DNAI3: variants seen among roughly 807,000 people sequenced by gnomAD.
DNAI3 encodes the protein WD repeat domain 63.
In DNAI3, 83 loss-of-function variants were observed where a neutral mutation model predicts 115.5. The observed-to-expected ratio is 0.72, with a 90% CI of 0.60 to 0.86. The LOEUF is 0.86. Ranked by LOEUF, DNAI3 falls within the 40% of genes least tolerant of loss-of-function variation. The probability of loss-of-function intolerance (pLI) is 0.00; values close to 1 mark genes in which losing one functional copy is unlikely to be tolerated. For synonymous variants in DNAI3, 320 were observed against 347.0 expected (o/e 0.92, Z 0.86); for missense variants, 1,004 against 1,075.8 (o/e 0.93, Z 0.93).
chr1:85,114,015 CTTTT>C (rs58178754), intron 16 of DNAI3, among the ~76,000 whole-genome samples: 4 of 117,664 alleles, frequency 3.4e-5, no homozygotes, highest in Non-Finnish European at 5.3e-5. Context: ...CAATTTGTAT[CTTTT>C]TTTTTTTTTT....
intron 21 of DNAI3, among the ~76,000 whole-genome samples, chr1:85,129,458 A>G (rs1656249583): frequency 4.1e-5 from 1 of 24,590 alleles, no homozygotes; most frequent in Non-Finnish European, 1.7e-4. Flanking sequence ...CTTCTATTCT[A>G]TGCCTACACT....
intron 22 of DNAI3, 72 bp from the exon 23 acceptor site, chr1:85,132,782 GC>G (rs1656377583): frequency 6.5e-7 from 1 of 1,546,768 alleles, no homozygotes; most frequent in Non-Finnish European, 8.7e-7. Flanking sequence ...TTCACAAACA[GC>G]CCCTTCTCAT....
At chr1:85,129,917 T>G (rs1460969643) in intron 21 of DNAI3, 73 bp from the exon 22 acceptor site, 1 of 1,506,432 alleles carries the variant, frequency 6.6e-7, no homozygotes, top group African/African-American at 1.4e-5. Flanking sequence ...GCAGCAGAAA[T>G]TCTAACAGAG....
chr1:85,104,554 C>A lies in DNAI3; in HGVS notation c.1510C>A (p.Arg504=). ...INRMGSVFEN[R]SGICCQLVTC... is the part of the protein sequence containing the mutation. ...CAGAATGGGCTCCGTCTTTGAGAAT[C>A]GAAGTGGAATATGCTGTCAACTTGT... Residue 504 remains arginine, a synonymous_variant, in exon 14 of 23, where the codon CGA becomes AGA. Transcript: ENST00000294664. The A allele has an allele frequency of 6.2e-7, 1 of 1,613,766 alleles. No individual in the cohort carries two copies. The highest frequency in any genetic ancestry group is 8.5e-7 in the Non-Finnish European group (1 of 1,179,810).
At position 85,072,015 on chromosome 1, in the gene DNAI3, T is replaced by G; in HGVS notation, c.64+10T>G. 6.2e-7 allele frequency: 1 copy of G among 1,604,672 alleles called. No individual in the cohort carries two copies. Among genetic ancestry groups the G allele is most frequent in the African/African-American group, 1.3e-5 (1 of 74,356 alleles). On this transcript the variant is annotated intron_variant, in intron 2 of 22. Coordinates refer to ENST00000294664, the MANE Select transcript of DNAI3 (RefSeq NM_145172.5). ...AAACCAGTATTAGCTGGTAGGAATATTTCTTCATTGAATGGGATTTTTTGT... is the reference window on the plus strand; with the variant it reads ...AAACCAGTATTAGCTGGTAGGAATAGTTCTTCATTGAATGGGATTTTTTGT...
chr1:85,122,675 G>A (rs1656026571), intron 18 of DNAI3, among the ~76,000 whole-genome samples: 1 of 152,334 alleles, frequency 6.6e-6, no homozygotes, highest in African/African-American at 2.4e-5. Context: ...CTTTGCAGAA[G>A]GGTATCTAGT....
chr1:85,108,417 G>C (rs1468526861), intron 15 of DNAI3, among the ~76,000 whole-genome samples: 4 of 152,046 alleles, frequency 2.6e-5, no homozygotes, highest in Admixed American at 1.3e-4. Flanking sequence ...TGTGTAATCT[G>C]TGTAATACAC....
chr1:85,083,307 C>G (rs1654686101), intron 5 of DNAI3, among the ~76,000 whole-genome samples: 1 of 151,972 alleles, frequency 6.6e-6, no homozygotes, highest in Non-Finnish European at 1.5e-5. Flanking sequence ...GGTAACATGG[C>G]AAGACCCTGC....
At chr1:85,067,983 T>C (rs1654148476) in intron 1 of DNAI3, among the ~76,000 whole-genome samples, 3 of 152,212 alleles carry the variant, frequency 2.0e-5, no homozygotes, top group African/African-American at 7.2e-5. Context: ...TTTGTGGTAA[T>C]TTGTTACAGC....
chr1:85,072,958 A>AAG (rs1310503494), intron 2 of DNAI3, 96 bp from the exon 3 acceptor site: 265 of 655,222 alleles, frequency 4.0e-4, no homozygotes, highest in South Asian at 9.0e-4. Context: ...CCGTCTCAAA[A>AAG]AAAAAAAAAA....
intron 22 of DNAI3, 169 bp downstream of exon 22, chr1:85,130,281 T>A: frequency 1.1e-6 from 1 of 950,594 alleles, no homozygotes; most frequent in Non-Finnish European, 1.5e-6. Context: ...CACTGCCAGT[T>A]AGACACGTAG....
In DNAI3 at chr1:85,078,407, C is replaced by T. The variant is rs114193167; in HGVS notation, c.104-2827C>T. On this transcript the variant is annotated intron_variant, in intron 3 of 22. Transcript: ENST00000294664. Reference sequence around the variant, plus strand: ...GAGCAGTAGGTGCACCATGGAAGTGCCCTCGCAGACATTGTCCTTGTGATT... The same window carrying T: ...GAGCAGTAGGTGCACCATGGAAGTGTCCTCGCAGACATTGTCCTTGTGATT... Among the ~76,000 whole-genome samples the T allele has an allele frequency of 3.3e-3, 497 of 152,350 alleles. 3 individuals carry two copies. Among genetic ancestry groups the T allele is most frequent in the African/African-American group, 0.012 (479 of 41,586 alleles).
chr1:85,082,296 G>T lies in DNAI3; in HGVS notation c.286-4G>T. 6.2e-7 allele frequency: 1 copy of T among 1,601,382 alleles called. No homozygotes were observed. The highest frequency in any genetic ancestry group is 1.1e-5 in the South Asian group (1 of 90,304). On this transcript the variant is annotated splice_polypyrimidine_tract_variant and splice_region_variant and intron_variant, in intron 4 of 22. Coordinates refer to ENST00000294664, the MANE Select transcript of DNAI3 (RefSeq NM_145172.5). ...AACTTCCTATCTCAATTATATTCTTGTAGGAATATCCTGGAAATGAGCTTC... is the reference window on the plus strand; with the variant it reads ...AACTTCCTATCTCAATTATATTCTTTTAGGAATATCCTGGAAATGAGCTTC...
At chr1:85,123,800 A>C (rs903752502) in intron 18 of DNAI3, among the ~76,000 whole-genome samples, 5 of 152,242 alleles carry the variant, frequency 3.3e-5, no homozygotes, top group Non-Finnish European at 5.9e-5. Flanking sequence ...CTACCCAGCC[A>C]GCTACAGTAC....
At chr1:85,071,741 T>C (rs1308755178) in intron 1 of DNAI3, among the ~76,000 whole-genome samples, 187 bp from the exon 2 acceptor site, 1 of 152,232 alleles carries the variant, frequency 6.6e-6, no homozygotes, top group Non-Finnish European at 1.5e-5. Flanking sequence ...ATCTCATCAG[T>C]AAGATTGTTG....
At chr1:85,082,219 A>T in intron 4 of DNAI3, 81 bp from the exon 5 acceptor site, 2 of 1,137,066 alleles carry the variant, frequency 1.8e-6, no homozygotes, top group Non-Finnish European at 2.6e-6. Flanking sequence ...TTGATTAGCG[A>T]AATGTGAATT....
Position 85,108,433 on chromosome 1 carries a change from C to G in DNAI3, c.1698+256C>G, listed in dbSNP as rs145518990. ...GTGTAATCTGTGTAATACACACATA[C>G]ACTGTGTATGATTTACACAGATTTA... On this transcript the variant is annotated intron_variant, in intron 15 of 22. Coordinates refer to ENST00000294664, the MANE Select transcript of DNAI3 (RefSeq NM_145172.5). Among the ~76,000 whole-genome samples the G allele has an allele frequency of 6.1e-3, 925 of 152,176 alleles. 9 individuals are homozygous for G. The highest frequency in any genetic ancestry group is 0.021 in the African/African-American group (861 of 41,524).
chr1:85,111,983 A>G lies in DNAI3; in HGVS notation c.1786+1848A>G, dbSNP rs576200512. On this transcript the variant is annotated intron_variant, in intron 16 of 22. Coordinates refer to ENST00000294664, the MANE Select transcript of DNAI3 (RefSeq NM_145172.5). ...GCACCTCCCTCACTCCCAGGCCACAACGGATCTACTTTCTGTCACTATACA... is the reference window on the plus strand; with the variant it reads ...GCACCTCCCTCACTCCCAGGCCACAGCGGATCTACTTTCTGTCACTATACA... Among the ~76,000 whole-genome samples the G allele has an allele frequency of 1.2e-4, 18 of 152,258 alleles. 1 individual carries two copies. In the South Asian group the frequency reaches 1.5e-3, roughly 12 times the overall value.
Position 85,084,623 on chromosome 1 carries a change from C to T in DNAI3, c.468C>T (p.Val156=). Residue 156 remains valine, a synonymous_variant, in exon 6 of 23, where the codon GTC becomes GTT. Transcript: ENST00000294664. ...ATGTGTATATTTATAAACCACCTGT[C>T]TCTAAACCATGGGTTTCTTTGGGCA... ...PEDVYIYKPP[V]SKPWVSLGSE... is the part of the protein sequence containing the mutation. 6.3e-7 allele frequency: 1 copy of T among 1,578,746 alleles called. No homozygotes were observed. Among genetic ancestry groups the T allele is most frequent in the East Asian group, 2.4e-5 (1 of 42,314 alleles).
Sources: gnomAD v4.1 joint callset for allele counts (sites outside exome capture counted in the v4.1 genomes callset) on GRCh38, gnomAD v4.1.1 for gene constraint, MANE v1.5 for transcripts, NCBI Gene and HGNC (gene_info 2026-07-23, HGNC 2026-07-21) for gene names.